CNTNAP2: variants seen among roughly 807,000 people sequenced by gnomAD.
CNTNAP2 encodes contactin-associated protein-like 2.
A neutral mutation model predicts 155.2 loss-of-function variants in CNTNAP2; 98 were observed. The ratio of observed to expected loss-of-function variants is 0.63; its 90% CI spans 0.54 to 0.75. CNTNAP2 has a LOEUF of 0.75. CNTNAP2 is among the 30% of genes least tolerant of loss of function. CNTNAP2 has a pLI of 0.00. For missense variants in CNTNAP2, 1,727 were observed against 1,688.1 expected (o/e 1.02, Z -0.40); for synonymous variants, 651 against 631.2 (o/e 1.03, Z -0.47).
intron 12 of CNTNAP2, among the ~76,000 whole-genome samples, chr7:147,618,151 A>G (rs988200102): frequency 5.9e-5 from 9 of 152,218 alleles, no homozygotes; most frequent in African/African-American, 2.2e-4. Flanking sequence ...TTATTAAGCA[A>G]GCCAAGGCTT....
At chr7:147,648,626 A>T (rs549865644) in intron 13 of CNTNAP2, among the ~76,000 whole-genome samples, 1 of 152,310 alleles carries the variant, frequency 6.6e-6, no homozygotes, top group Non-Finnish European at 1.5e-5. Flanking sequence ...GCTTGCTCAG[A>T]GAAACTCGCC....
intron 13 of CNTNAP2, among the ~76,000 whole-genome samples, chr7:147,732,590 T>C (rs377703746): frequency 0.17 from 26,189 of 151,720 alleles, 2,460 homozygotes; most frequent in Middle Eastern, 0.38. Flanking sequence ...TTTCTAGTTC[T>C]AGATCCCTGA....
chr7:147,212,642 C>T (rs1803174818), intron 8 of CNTNAP2, among the ~76,000 whole-genome samples: 1 of 152,110 alleles, frequency 6.6e-6, no homozygotes, highest in Non-Finnish European at 1.5e-5. Context: ...GTATTATGCC[C>T]ACAACCCAGG....
intron 1 of CNTNAP2, among the ~76,000 whole-genome samples, chr7:146,395,821 ATAGAG>A (rs1563068392): frequency 3.7e-5 from 5 of 136,570 alleles, no homozygotes; most frequent in Non-Finnish European, 7.6e-5. Context: ...AGATAGATAG[ATAGAG>A]GAGAGAGAGA....
chr7:146,725,045 G>A (rs561508268), intron 1 of CNTNAP2, among the ~76,000 whole-genome samples: 90 of 152,136 alleles, frequency 5.9e-4, no homozygotes, highest in African/African-American at 1.8e-3. Context: ...CTCTGTTCCC[G>A]GCCTTTCTCC....
At chr7:148,310,109 C>T (rs1398152792) in intron 21 of CNTNAP2, among the ~76,000 whole-genome samples, 3 of 151,900 alleles carry the variant, frequency 2.0e-5, no homozygotes, top group African/African-American at 2.4e-5. Context: ...AAAAACTATA[C>T]GGAATAAGAG....
chr7:147,250,718 T>C (rs534440545), intron 8 of CNTNAP2, among the ~76,000 whole-genome samples: 2 of 152,168 alleles, frequency 1.3e-5, no homozygotes, highest in South Asian at 4.1e-4. Flanking sequence ...ATCTGGGTGT[T>C]TCACAATGTG....
chr7:146,360,619 C>G (rs1795068813), intron 1 of CNTNAP2, among the ~76,000 whole-genome samples: 1 of 152,142 alleles, frequency 6.6e-6, no homozygotes, highest in Non-Finnish European at 1.5e-5. Context: ...ACCTTTAGCT[C>G]TGAAAGGTAC....
chr7:148,415,286 C>A, intron 23 of CNTNAP2, 131 bp from the exon 24 acceptor site: 1 of 935,992 alleles, frequency 1.1e-6, no homozygotes, highest in Non-Finnish European at 1.7e-6. Flanking sequence ...TTTTTGTTAT[C>A]TTTGTTGTTT....
At chr7:148,065,551 T>A (rs1803241015) in intron 15 of CNTNAP2, among the ~76,000 whole-genome samples, 1 of 152,234 alleles carries the variant, frequency 6.6e-6, no homozygotes, top group African/African-American at 2.4e-5. Flanking sequence ...TACCTCTTCG[T>A]CTTTTTTAAC....
intron 2 of CNTNAP2, among the ~76,000 whole-genome samples, chr7:146,801,024 G>T (rs1802867405): frequency 6.6e-6 from 1 of 152,104 alleles, no homozygotes; most frequent in East Asian, 1.9e-4. Flanking sequence ...TTGTTATAAA[G>T]AAATACCTGA....
chr7:148,148,481 A>C (rs1006592756), intron 17 of CNTNAP2, among the ~76,000 whole-genome samples: 4 of 152,236 alleles, frequency 2.6e-5, no homozygotes, highest in African/African-American at 9.6e-5. Context: ...GTGAGTTTGA[A>C]GGACTTTGTG....
intron 14 of CNTNAP2, among the ~76,000 whole-genome samples, chr7:147,936,387 T>G (rs886941992): frequency 1.3e-5 from 2 of 151,928 alleles, no homozygotes; most frequent in Admixed American, 6.6e-5. Context: ...AAGTGGTCAC[T>G]TCAGTATGAC....
chr7:146,721,889 A>ATATTTTTTTTTTTTTTTTTT lies in CNTNAP2; in HGVS notation c.98-52381_98-52380insATTTTTTTTTTTTTTTTTTT. On this transcript the variant is annotated intron_variant, in intron 1 of 23. Transcript: ENST00000361727. ...TGTGTGTGTGTGTATATATATATAT[A>ATATTTTTTTTTTTTTTTTTT]TTTTTTTTTTTTTTTTTGAGATGGA... Among the ~76,000 whole-genome samples the ATATTTTTTTTTTTTTTTTTT allele has an allele frequency of 1.0e-4, 7 of 69,708 alleles. No individual in the cohort carries two copies. In the African/African-American group the frequency reaches 1.1e-3, roughly 11 times the overall value. The allele number at this position is 69,708 out of a possible 152,430, so 45.7% of individuals were successfully genotyped here.
chr7:146,420,541 G>T (rs930291729), intron 1 of CNTNAP2, among the ~76,000 whole-genome samples: 1 of 151,976 alleles, frequency 6.6e-6, no homozygotes, highest in Admixed American at 6.6e-5. Context: ...TAATGTGTGG[G>T]CAATAAACTA....
intron 1 of CNTNAP2, among the ~76,000 whole-genome samples, chr7:146,478,146 C>T (rs1796906701): frequency 6.6e-6 from 1 of 152,020 alleles, no homozygotes; most frequent in Admixed American, 6.6e-5. Flanking sequence ...TTTCTTTCCT[C>T]ATTCATATCT....
chr7:147,140,616 G>A (rs1801572500), intron 8 of CNTNAP2, among the ~76,000 whole-genome samples: 1 of 151,980 alleles, frequency 6.6e-6, no homozygotes, highest in Non-Finnish European at 1.5e-5. Flanking sequence ...ATTGCTTCTT[G>A]GAATGCAAAT....
chr7:147,758,806 C>A (rs548580611), intron 13 of CNTNAP2, among the ~76,000 whole-genome samples: 6 of 152,254 alleles, frequency 3.9e-5, no homozygotes, highest in Non-Finnish European at 7.4e-5. Flanking sequence ...GATTGCTCCA[C>A]TGTACTCCAG....
chr7:146,817,063 T>C (rs1388355695), intron 2 of CNTNAP2, among the ~76,000 whole-genome samples: 1 of 152,202 alleles, frequency 6.6e-6, no homozygotes, highest in Non-Finnish European at 1.5e-5. Flanking sequence ...TTAGAGTTGA[T>C]GGACGACCAG....
Sources: allele counts gnomAD v4.1 joint callset (sites outside exome capture counted in the v4.1 genomes callset), GRCh38; gene constraint gnomAD v4.1.1; transcripts MANE v1.5; gene names NCBI Gene and HGNC (gene_info 2026-07-23, HGNC 2026-07-21).